The following PNKD variants were observed in gnomAD, a reference collection of about 807,000 sequenced individuals.
PNKD encodes the protein probable thioesterase PNKD.
In PNKD, 36 loss-of-function variants were observed where a neutral mutation model predicts 45.3. The ratio of observed to expected loss-of-function variants is 0.80; its 90% CI spans 0.61 to 1.05. PNKD has a LOEUF of 1.05. PNKD is among the 50% of genes least tolerant of loss of function. The pLI, the probability that PNKD is intolerant of heterozygous loss-of-function variation, is 0.00. For synonymous variants in PNKD, 197 were observed against 210.1 expected, an observed-to-expected ratio of 0.94 and a Z score of 0.54; for missense variants, 511 against 506.6, an observed-to-expected ratio of 1.01 and a Z score of -0.08.
At chr2:218,275,462 G>T in intron 2 of PNKD, 1 of 1,609,390 alleles carries the variant, frequency 6.2e-7, no homozygotes, top group Non-Finnish European at 8.5e-7. Flanking sequence ...GGGTGAAAAT[G>T]GGGGCTTGCT....
chr2:218,291,114 G>A (rs1284582508), intron 2 of PNKD, among the ~76,000 whole-genome samples: 2 of 152,132 alleles, frequency 1.3e-5, no homozygotes, highest in Non-Finnish European at 2.9e-5. Flanking sequence ...GAGCCCAGGT[G>A]GCTATTACCC....
intron 2 of PNKD, chr2:218,286,863 A>T (rs1692561965): frequency 6.6e-6 from 1 of 152,308 alleles, no homozygotes; most frequent in African/African-American, 2.4e-5. Context: ...CAGAGTGGAA[A>T]AAAATAGCTC....
At chr2:218,323,358 C>A in intron 2 of PNKD, 2 of 1,581,348 alleles carry the variant, frequency 1.3e-6, no homozygotes, top group Non-Finnish European at 8.6e-7. Context: ...TGTGAGCCCC[C>A]GCGGCTGCCG....
intron 2 of PNKD, among the ~76,000 whole-genome samples, chr2:218,288,693 T>A (rs1212398320): frequency 2.0e-5 from 3 of 152,008 alleles, no homozygotes; most frequent in Non-Finnish European, 1.5e-5. Flanking sequence ...TCCGAAAAAA[T>A]CCAAAATCCA....
chr2:218,308,594 C>CT (rs869071882), intron 2 of PNKD, among the ~76,000 whole-genome samples: 48 of 146,622 alleles, frequency 3.3e-4, no homozygotes, highest in African/African-American at 5.0e-4. Context: ...TTCTTTCTTT[C>CT]TTTTTTTTTT....
intron 2 of PNKD, among the ~76,000 whole-genome samples, chr2:218,321,623 C>CTTTTTTTT: frequency 1.1e-5 from 1 of 93,830 alleles, no homozygotes; most frequent in Non-Finnish European, 2.1e-5. Context: ...GTGAGCTTGA[C>CTTTTTTTT]TTTTTTTTTT....
intron 2 of PNKD, chr2:218,273,012 G>T: frequency 8.8e-7 from 1 of 1,138,470 alleles, no homozygotes; most frequent in South Asian, 1.6e-5. Context: ...TTACTCATGT[G>T]TGCTCCCTCT....
chr2:218,310,520 C>G (rs1426353855), intron 2 of PNKD, among the ~76,000 whole-genome samples: 1 of 151,808 alleles, frequency 6.6e-6, no homozygotes, highest in Non-Finnish European at 1.5e-5. Flanking sequence ...CTGCGCCCGG[C>G]CTACATAACA....
chr2:218,279,060 C>A (rs761095430), intron 2 of PNKD: 2 of 1,614,164 alleles, frequency 1.2e-6, no homozygotes, highest in Admixed American at 3.3e-5. Context: ...TAGACAGCCA[C>A]ATTTCTCCTC....
chr2:218,272,878 C>A (rs754604195), intron 2 of PNKD: 15 of 1,587,426 alleles, frequency 9.4e-6, no homozygotes, highest in African/African-American at 1.3e-5. Context: ...TGTTGCCAAA[C>A]CCTACCCTGC....
At chr2:218,304,671 G>T (rs902816476) in intron 2 of PNKD, among the ~76,000 whole-genome samples, 5 of 152,222 alleles carry the variant, frequency 3.3e-5, no homozygotes, top group African/African-American at 1.2e-4. Context: ...AGGATCAGTG[G>T]AAAGAGCATG....
chr2:218,280,081 C>T (rs769665521), intron 2 of PNKD: 11 of 1,614,054 alleles, frequency 6.8e-6, no homozygotes, highest in Non-Finnish European at 8.5e-7. Flanking sequence ...AGGCCCGAAG[C>T]TATCACTCAC....
In PNKD at chr2:218,279,061, A is replaced by G. The variant is rs147999252; in HGVS notation, c.236+7512A>G. The G allele has an allele frequency of 2.5e-4, 398 of 1,614,050 alleles. 2 individuals carry two copies. The African/African-American group carries it at 4.9e-3, about 20-fold the overall frequency. ...ACTAGGACACGTAGTAGACAGCCAC[A>G]TTTCTCCTCACAAAGGCGCTGACAG... On this transcript the variant is annotated intron_variant, in intron 2 of 9. Coordinates refer to ENST00000273077, the MANE Select transcript of PNKD (RefSeq NM_015488.5).
chr2:218,275,437 G>GGA, intron 2 of PNKD: 1 of 1,593,760 alleles, frequency 6.3e-7, no homozygotes, highest in Non-Finnish European at 8.5e-7. Context: ...AGCTTGGAAG[G>GGA]GAGAGCCCAG....
chr2:218,289,748 G>C (rs1324197692), intron 2 of PNKD, among the ~76,000 whole-genome samples: 1 of 151,950 alleles, frequency 6.6e-6, no homozygotes, highest in Non-Finnish European at 1.5e-5. Flanking sequence ...ACCTACACCA[G>C]GGGGTCACTA....
At chr2:218,304,010 G>A (rs1030508220) in intron 2 of PNKD, among the ~76,000 whole-genome samples, 3 of 152,150 alleles carry the variant, frequency 2.0e-5, no homozygotes, top group Admixed American at 2.0e-4. Flanking sequence ...AGCTGAGTTT[G>A]GCAGTGGAGC....
In PNKD at chr2:218,323,064, G is replaced by GC. The variant is rs528621958; in HGVS notation, c.237-16713dup. The GC allele has an allele frequency of 1.0e-4, 82 of 799,306 alleles. 3 individuals are homozygous for GC. The South Asian group carries it at 2.6e-3, about 25-fold the overall frequency. 49.5% of individuals were successfully genotyped at this position (799,306 alleles called of 1,614,324 possible). A position where few individuals can be genotyped will look rare whatever the true frequency, so the allele number is the denominator to read the frequency against. On this transcript the variant is annotated intron_variant, in intron 2 of 9. Coordinates refer to ENST00000273077, the MANE Select transcript of PNKD (RefSeq NM_015488.5). ...GCCGCCAGCCGGGCGGAGCCAGGCC[G>GC]CCCCCCAAGCCGGGTGGCCTTCGGG...
chr2:218,285,580 G>T (rs1692442169), intron 2 of PNKD, among the ~76,000 whole-genome samples: 1 of 152,192 alleles, frequency 6.6e-6, no homozygotes, highest in Non-Finnish European at 1.5e-5. Context: ...ACTCACCCAA[G>T]GACAGCCAAC....
intron 2 of PNKD, among the ~76,000 whole-genome samples, chr2:218,328,417 T>A (rs2106280911): frequency 6.6e-6 from 1 of 152,300 alleles, no homozygotes; most frequent in Non-Finnish European, 1.5e-5. Flanking sequence ...TGGCTTTATG[T>A]TCACCCTAGT....
Sources: gnomAD v4.1 joint callset for allele counts (sites outside exome capture counted in the v4.1 genomes callset) on GRCh38, gnomAD v4.1.1 for gene constraint, MANE v1.5 for transcripts, NCBI Gene and HGNC (gene_info 2026-07-23, HGNC 2026-07-21) for gene names.